Variants in TNR observed in about 807,000 individuals in gnomAD.
TNR encodes the protein tenascin R.
Under a neutral mutation model 150.4 loss-of-function variants are expected in TNR, and 45 were observed. That is an observed-to-expected ratio of 0.30 (90% CI 0.24 to 0.38). The LOEUF is 0.38. TNR is among the 10% of genes least tolerant of loss of function. The pLI, the probability that TNR is intolerant of heterozygous loss-of-function variation, is 1.00. For missense variants in TNR, 1,544 were observed against 1,759.1 expected, an observed-to-expected ratio of 0.88 and a Z score of 2.19; for synonymous variants, 687 against 678.4, an observed-to-expected ratio of 1.01 and a Z score of -0.20.
chr1:175,352,589 G>A (rs1259551788), intron 18 of TNR, among the ~76,000 whole-genome samples: 1 of 152,180 alleles, frequency 6.6e-6, no homozygotes, highest in Admixed American at 6.5e-5. Context: ...CTTTGCAAGA[G>A]CATGGAGGGG....
chr1:175,650,498 T>C (rs1009686104), intron 1 of TNR, among the ~76,000 whole-genome samples: 8 of 151,828 alleles, frequency 5.3e-5, no homozygotes, highest in Non-Finnish European at 1.0e-4. Context: ...TGCATTATAA[T>C]AACATTAGCA....
chr1:175,559,131 A>T (rs1661311244), intron 1 of TNR, among the ~76,000 whole-genome samples: 1 of 152,202 alleles, frequency 6.6e-6, no homozygotes, highest in Admixed American at 6.5e-5. Context: ...CAAACAAACA[A>T]ATGAACAAAA....
Position 175,602,865 on chromosome 1 carries a change from C to T in TNR, c.-164-74496G>A, listed in dbSNP as rs200400708. ...CAACAAACAGCTCATTTCCAATAAA[C>T]GGGGAGAAACTTATGGCACATATTT... On this transcript the variant is annotated intron_variant, in intron 1 of 22. Transcript: ENST00000367674. 7.9e-5 allele frequency among the ~76,000 whole-genome samples: 12 copies of T among 152,258 alleles called. No individual in the cohort carries two copies. The East Asian group carries it at 1.9e-3, about 24-fold the overall frequency.
At chr1:175,346,532 C>T (rs886500616) in intron 18 of TNR, among the ~76,000 whole-genome samples, 5 of 150,864 alleles carry the variant, frequency 3.3e-5, no homozygotes, top group African/African-American at 1.2e-4. Context: ...AAATATATCA[C>T]TAGGAAGACT....
chr1:175,625,195 G>A (rs1208624923), intron 1 of TNR, among the ~76,000 whole-genome samples: 1 of 152,174 alleles, frequency 6.6e-6, no homozygotes, highest in Non-Finnish European at 1.5e-5. Context: ...CCTTTCTGAT[G>A]TTTTTTTCCT....
chr1:175,389,837 T>G (rs1653093876), intron 7 of TNR, among the ~76,000 whole-genome samples: 1 of 152,230 alleles, frequency 6.6e-6, no homozygotes, highest in Non-Finnish European at 1.5e-5. Context: ...GCCACCGGCC[T>G]TCTGGAGGGA....
chr1:175,403,920 G>A (rs1653836052), intron 3 of TNR, among the ~76,000 whole-genome samples: 1 of 152,174 alleles, frequency 6.6e-6, no homozygotes, highest in Non-Finnish European at 1.5e-5. Context: ...AAAGATTCAT[G>A]TAAAAGTGAT....
intron 2 of TNR, among the ~76,000 whole-genome samples, chr1:175,408,877 G>T (rs1654077277): frequency 6.6e-6 from 1 of 152,216 alleles, no homozygotes; most frequent in South Asian, 2.1e-4. Context: ...TCCATTTGTG[G>T]ACAGCAGAAA....
chr1:175,741,172 CCTTCT>C (rs1468655670), intron 1 of TNR, among the ~76,000 whole-genome samples: 1 of 152,232 alleles, frequency 6.6e-6, no homozygotes, highest in Non-Finnish European at 1.5e-5. Flanking sequence ...GCAATCCATT[CCTTCT>C]CTCCTGCACA....
chr1:175,569,261 C>T (rs1281464922), intron 1 of TNR, among the ~76,000 whole-genome samples: 1 of 152,224 alleles, frequency 6.6e-6, no homozygotes, highest in African/African-American at 2.4e-5. Context: ...GACAGGTCTT[C>T]AAGAGCGCTT....
chr1:175,614,696 G>C (rs889819482), intron 1 of TNR, among the ~76,000 whole-genome samples: 10 of 152,144 alleles, frequency 6.6e-5, no homozygotes, highest in African/African-American at 2.4e-4. Flanking sequence ...GTCCCCCAGG[G>C]CTCCCCTGCC....
intron 2 of TNR, among the ~76,000 whole-genome samples, chr1:175,446,829 CT>C (rs1261650626): frequency 6.6e-6 from 1 of 152,052 alleles, no homozygotes; most frequent in African/African-American, 2.4e-5. Context: ...CAGGGTGTGG[CT>C]GCCTTGGACT....
At chr1:175,677,768 A>G (rs1489530296) in intron 1 of TNR, among the ~76,000 whole-genome samples, 1 of 152,202 alleles carries the variant, frequency 6.6e-6, no homozygotes, top group Non-Finnish European at 1.5e-5. Context: ...TTTGAACTTC[A>G]TCTATTAACT....
At chr1:175,671,580 C>T (rs1665698272) in intron 1 of TNR, among the ~76,000 whole-genome samples, 1 of 152,160 alleles carries the variant, frequency 6.6e-6, no homozygotes, top group Non-Finnish European at 1.5e-5. Context: ...TATCATAGTA[C>T]AGCAAGTGAA....
At chr1:175,736,249 T>C (rs6659465) in intron 1 of TNR, among the ~76,000 whole-genome samples, 45,172 of 152,156 alleles carry the variant, frequency 0.3, 6,863 homozygotes, top group African/African-American at 0.37. Context: ...GGGCCGGGCG[T>C]GGTGGCTCAC....
intron 1 of TNR, among the ~76,000 whole-genome samples, chr1:175,604,539 G>A (rs1296527781): frequency 1.3e-5 from 2 of 152,168 alleles, no homozygotes; most frequent in Non-Finnish European, 2.9e-5. Context: ...TTCCTTGCCC[G>A]ATGCTATCTT....
At chr1:175,340,934 C>T (rs1650491623) in intron 18 of TNR, among the ~76,000 whole-genome samples, 1 of 152,178 alleles carries the variant, frequency 6.6e-6, no homozygotes, top group Non-Finnish European at 1.5e-5. Flanking sequence ...CTTGAGTGGG[C>T]TGGTTCCAAG....
chr1:175,608,185 T>C (rs1001837563), intron 1 of TNR, among the ~76,000 whole-genome samples: 2 of 152,242 alleles, frequency 1.3e-5, no homozygotes, highest in African/African-American at 4.8e-5. Flanking sequence ...CAGTAAAATT[T>C]CTGGTAATAC....
chr1:175,535,225 G>A (rs182219071), intron 1 of TNR, among the ~76,000 whole-genome samples: 30 of 152,260 alleles, frequency 2.0e-4, no homozygotes, highest in African/African-American at 6.7e-4. Context: ...TCCCTGATCA[G>A]CATTCCCTGT....
Sources: gnomAD v4.1 joint callset for allele counts (sites outside exome capture counted in the v4.1 genomes callset) on GRCh38, gnomAD v4.1.1 for gene constraint, MANE v1.5 for transcripts, NCBI Gene and HGNC (gene_info 2026-07-23, HGNC 2026-07-21) for gene names.